PCDHA9: variants seen among roughly 807,000 people sequenced by gnomAD.
PCDHA9 encodes the protein protocadherin alpha 9.
In PCDHA9, 62 loss-of-function variants were observed where a neutral mutation model predicts 62.0. The observed-to-expected ratio is 1.00, with a 90% CI of 0.81 to 1.23. PCDHA9 has a LOEUF of 1.23. Among genes scored for constraint, PCDHA9 ranks in the 50% most tolerant of loss-of-function variants. PCDHA9 has a pLI of 0.00. For synonymous variants in PCDHA9, 557 were observed against 567.6 expected (o/e 0.98, Z 0.27); for missense variants, 1,205 against 1,249.8 (o/e 0.96, Z 0.54).
intron 3 of PCDHA9, among the ~76,000 whole-genome samples, chr5:141,002,270 G>T (rs1304168184): frequency 6.6e-6 from 1 of 152,172 alleles, no homozygotes; most frequent in Non-Finnish European, 1.5e-5. Context: ...CCCAGAGCTG[G>T]TAACAAAGGG....
chr5:140,976,982 T>G (rs1348911349), intron 1 of PCDHA9, among the ~76,000 whole-genome samples: 1 of 152,240 alleles, frequency 6.6e-6, no homozygotes, highest in African/African-American at 2.4e-5. Flanking sequence ...CTGCCTGATC[T>G]TACTGCCATA....
chr5:140,924,945 A>T (rs200246310), intron 1 of PCDHA9, among the ~76,000 whole-genome samples: 4 of 64,382 alleles, frequency 6.2e-5, no homozygotes, highest in African/African-American at 1.9e-4. Context: ...ATAAAAAGTT[A>T]AAAAAAAAAT....
chr5:140,872,165 C>CT (rs781807025), intron 1 of PCDHA9, among the ~76,000 whole-genome samples: 5,631 of 144,184 alleles, frequency 0.039, 139 homozygotes, highest in African/African-American at 0.065. Flanking sequence ...ATTTACTTTT[C>CT]TTTTTTTTTT....
chr5:140,886,659 C>T (rs782545078), intron 1 of PCDHA9, among the ~76,000 whole-genome samples: 4 of 151,858 alleles, frequency 2.6e-5, no homozygotes, highest in African/African-American at 4.8e-5. Context: ...AACCCTGTCT[C>T]TACTAAAAAT....
chr5:140,967,665 C>T (rs782126222), intron 1 of PCDHA9: 23 of 1,614,036 alleles, frequency 1.4e-5, no homozygotes, highest in East Asian at 2.2e-5. Context: ...AGCAGCTACA[C>T]GTCGGACCGG....
At chr5:140,944,809 A>G (rs2093698274) in intron 1 of PCDHA9, among the ~76,000 whole-genome samples, 1 of 152,220 alleles carries the variant, frequency 6.6e-6, no homozygotes, top group African/African-American at 2.4e-5. Flanking sequence ...GAGGGTCCAC[A>G]GTGATCTTTG....
At chr5:140,870,508 C>T in intron 1 of PCDHA9, 1 of 1,614,244 alleles carries the variant, frequency 6.2e-7, no homozygotes, top group Non-Finnish European at 8.5e-7. Flanking sequence ...GAACAACCCA[C>T]CAGGCTGCCA....
intron 1 of PCDHA9, chr5:140,929,684 A>C: frequency 3.4e-6 from 1 of 294,182 alleles, no homozygotes; most frequent in Non-Finnish European, 6.5e-6. Flanking sequence ...AATATGTAAG[A>C]GTCTGCTTTA....
chr5:140,869,233 T>G (rs782097851), intron 1 of PCDHA9: 7 of 1,613,700 alleles, frequency 4.3e-6, no homozygotes, highest in Non-Finnish European at 5.9e-6. Context: ...ACACGGCACC[T>G]TCGTGGGCCG....
At chr5:140,993,450 CTTCT>C (rs1279887965) in intron 3 of PCDHA9, among the ~76,000 whole-genome samples, 2 of 137,074 alleles carry the variant, frequency 1.5e-5, no homozygotes, top group South Asian at 2.5e-4. Flanking sequence ...TCCTGTTCTC[CTTCT>C]TTCTTTCTCA....
rs10076265 is a variant in PCDHA9 at position 140,884,506 on chromosome 5, G to A, written c.2394+33617G>A. 61 of 1,614,172 alleles carry A rather than the reference G, an allele frequency of 3.8e-5. No homozygotes were observed. In the South Asian group the frequency reaches 5.9e-4, roughly 16 times the overall value. ...CTCTAGTGTGCTCCAGCGCGGCAGG[G>A]AGTTGGTCGTACTCGCAGCAGAGGC... On this transcript the variant is annotated intron_variant, in intron 1 of 3. Transcript: ENST00000532602.
intron 1 of PCDHA9, chr5:140,876,174 T>A: frequency 6.2e-7 from 1 of 1,613,934 alleles, no homozygotes; most frequent in Non-Finnish European, 8.5e-7. Context: ...CCGTCCTGGA[T>A]GTGAATGACA....
intron 3 of PCDHA9, among the ~76,000 whole-genome samples, chr5:141,007,932 A>T (rs150576416): frequency 3.9e-5 from 6 of 152,336 alleles, no homozygotes; most frequent in Non-Finnish European, 7.3e-5. Context: ...CTGGAATTCT[A>T]AGCCACCTTT....
intron 1 of PCDHA9, among the ~76,000 whole-genome samples, chr5:140,893,912 G>A (rs1254345100): frequency 6.6e-6 from 1 of 152,124 alleles, no homozygotes; most frequent in Non-Finnish European, 1.5e-5. Flanking sequence ...TGAATTTGTG[G>A]TCTTTTTCAG....
intron 1 of PCDHA9, among the ~76,000 whole-genome samples, chr5:140,902,647 G>A (rs1286700570): frequency 6.6e-6 from 1 of 150,932 alleles, no homozygotes; most frequent in African/African-American, 2.4e-5. Context: ...CTGAGATTTT[G>A]GTGCACCTGT....
chr5:140,893,778 A>G (rs1017243223), intron 1 of PCDHA9, among the ~76,000 whole-genome samples: 2 of 151,936 alleles, frequency 1.3e-5, no homozygotes, highest in South Asian at 4.2e-4. Flanking sequence ...CTTTTCTTTT[A>G]CCGTTTTTAG....
At chr5:140,927,868 C>T (rs782143210) in intron 1 of PCDHA9, 2 of 1,614,220 alleles carry the variant, frequency 1.2e-6, no homozygotes, top group Admixed American at 1.7e-5. Flanking sequence ...CACCGCTAAA[C>T]TGCTGGTGGA....
chr5:140,932,687 T>A (rs1285364025), intron 1 of PCDHA9, among the ~76,000 whole-genome samples: 2 of 151,810 alleles, frequency 1.3e-5, no homozygotes, highest in Non-Finnish European at 2.9e-5. Context: ...TATATTCAAA[T>A]TAAAAAACTC....
At chr5:141,009,301 T>C (rs942481990) in intron 3 of PCDHA9, among the ~76,000 whole-genome samples, 1 of 152,122 alleles carries the variant, frequency 6.6e-6, no homozygotes, top group Admixed American at 6.5e-5. Flanking sequence ...TAAAATTTTT[T>C]TTAAAAAGCT....
Sources: gnomAD v4.1 joint callset for allele counts (sites outside exome capture counted in the v4.1 genomes callset) on GRCh38, gnomAD v4.1.1 for gene constraint, MANE v1.5 for transcripts, NCBI Gene and HGNC (gene_info 2026-07-23, HGNC 2026-07-21) for gene names.